ANKS1B: variants seen among roughly 807,000 people sequenced by gnomAD.
The protein encoded by ANKS1B is ankyrin repeat and sterile alpha motif domain-containing protein 1B.
A neutral mutation model predicts 148.3 loss-of-function variants in ANKS1B; 36 were observed. The observed-to-expected ratio is 0.24, with a 90% CI of 0.19 to 0.32. The LOEUF (loss-of-function observed/expected upper bound fraction) is 0.32. Ranked by LOEUF, ANKS1B falls within the 10% of genes least tolerant of loss-of-function variation. The pLI is 1.00. For synonymous variants in ANKS1B, 542 were observed against 560.8 expected (o/e 0.97, Z 0.47); for missense variants, 1,157 against 1,542.6 (o/e 0.75, Z 4.19).
intron 12 of ANKS1B, among the ~76,000 whole-genome samples, chr12:99,270,032 A>G (rs2076873680): frequency 6.6e-6 from 1 of 152,194 alleles, no homozygotes; most frequent in African/African-American, 2.4e-5. Context: ...GATAGCAACA[A>G]TATTAAAAAA....
intron 17 of ANKS1B, among the ~76,000 whole-genome samples, chr12:98,922,713 G>C (rs2099803081): frequency 6.6e-6 from 1 of 152,064 alleles, no homozygotes; most frequent in Admixed American, 6.6e-5. Context: ...TGGCCAGGCT[G>C]GTCTTGAACT....
intron 12 of ANKS1B, among the ~76,000 whole-genome samples, chr12:99,374,098 ATG>A (rs1340919146): frequency 6.6e-6 from 1 of 152,190 alleles, no homozygotes; most frequent in Non-Finnish European, 1.5e-5. Flanking sequence ...AATCCAAAGA[ATG>A]TGCTGATTGA....
intron 12 of ANKS1B, among the ~76,000 whole-genome samples, chr12:99,305,065 G>A (rs1033829292): frequency 3.9e-5 from 6 of 152,026 alleles, no homozygotes; most frequent in East Asian, 1.9e-4. Flanking sequence ...GGCCAAGGGC[G>A]GTGGGGGGCA....
At chr12:99,179,093 T>C (rs945483235) in intron 14 of ANKS1B, among the ~76,000 whole-genome samples, 1 of 152,114 alleles carries the variant, frequency 6.6e-6, no homozygotes, top group Non-Finnish European at 1.5e-5. Context: ...ATATTATGGA[T>C]TGACTAAGTG....
At chr12:98,899,604 G>T (rs56722173) in intron 17 of ANKS1B, among the ~76,000 whole-genome samples, 1 of 152,148 alleles carries the variant, frequency 6.6e-6, no homozygotes, top group Non-Finnish European at 1.5e-5. Context: ...TCATCCACAA[G>T]AGTTTTCACC....
At chr12:99,179,585 A>T (rs888125842) in intron 14 of ANKS1B, among the ~76,000 whole-genome samples, 1 of 152,148 alleles carries the variant, frequency 6.6e-6, no homozygotes, top group African/African-American at 2.4e-5. Flanking sequence ...ATTTTGTAAA[A>T]GATGATGGTT....
intron 17 of ANKS1B, among the ~76,000 whole-genome samples, chr12:99,011,983 T>C (rs1349960159): frequency 6.6e-6 from 1 of 152,126 alleles, no homozygotes; most frequent in Non-Finnish European, 1.5e-5. Context: ...GTATCACTGA[T>C]GTGGATGGAT....
At chr12:99,954,402 T>C (rs2153825743) in intron 1 of ANKS1B, among the ~76,000 whole-genome samples, 1 of 152,312 alleles carries the variant, frequency 6.6e-6, no homozygotes, top group Admixed American at 6.5e-5. Flanking sequence ...CCAATCTCCT[T>C]TGTCCAAACA....
At chr12:99,168,291 T>G (rs796867089) in intron 14 of ANKS1B, among the ~76,000 whole-genome samples, 2 of 151,690 alleles carry the variant, frequency 1.3e-5, no homozygotes, top group East Asian at 1.9e-4. Flanking sequence ...CTGAGGCGGG[T>G]GGATCGCCTG....
At chr12:99,266,344 A>G (rs978981089) in intron 12 of ANKS1B, among the ~76,000 whole-genome samples, 1 of 152,188 alleles carries the variant, frequency 6.6e-6, no homozygotes, top group African/African-American at 2.4e-5. Flanking sequence ...GATGGCTAAC[A>G]TTTATTGGAT....
chr12:99,184,288 T>C (rs558628155), intron 14 of ANKS1B, among the ~76,000 whole-genome samples: 7 of 152,308 alleles, frequency 4.6e-5, no homozygotes, highest in African/African-American at 9.6e-5. Flanking sequence ...TATTGAGCCA[T>C]AGACTATTAA....
intron 9 of ANKS1B, among the ~76,000 whole-genome samples, chr12:99,507,638 T>G (rs2096724491): frequency 6.6e-6 from 1 of 151,950 alleles, no homozygotes; most frequent in East Asian, 1.9e-4. Flanking sequence ...AATTTCTTCT[T>G]AGAATGTAAG....
chr12:99,548,347 C>T (rs2097189188), intron 9 of ANKS1B, among the ~76,000 whole-genome samples: 1 of 150,160 alleles, frequency 6.7e-6, no homozygotes, highest in Non-Finnish European at 1.5e-5. Flanking sequence ...TTTCCCTTTT[C>T]CTGTTAACTG....
intron 1 of ANKS1B, among the ~76,000 whole-genome samples, chr12:99,840,321 A>C (rs1391182929): frequency 1.3e-5 from 2 of 152,094 alleles, no homozygotes; most frequent in African/African-American, 2.4e-5. Flanking sequence ...GAGCACAGAA[A>C]AGTGGGTCAG....
At chr12:99,621,389 C>G (rs1422565338) in intron 9 of ANKS1B, among the ~76,000 whole-genome samples, 1 of 151,334 alleles carries the variant, frequency 6.6e-6, no homozygotes, top group Non-Finnish European at 1.5e-5. Flanking sequence ...ATCCAAACCT[C>G]ACATACCAAT....
intron 22 of ANKS1B, among the ~76,000 whole-genome samples, chr12:98,786,238 A>C (rs1330013040): frequency 6.6e-6 from 1 of 152,196 alleles, no homozygotes; most frequent in Non-Finnish European, 1.5e-5. Context: ...TTATATAGAG[A>C]TGTTACGTTT....
At chr12:99,301,069 G>A (rs1031840260) in intron 12 of ANKS1B, among the ~76,000 whole-genome samples, 2 of 152,160 alleles carry the variant, frequency 1.3e-5, no homozygotes, top group African/African-American at 4.8e-5. Context: ...AAGTCCGAGA[G>A]TCCAAAGGCC....
chr12:99,018,928 G>GT (rs969138727), intron 17 of ANKS1B, among the ~76,000 whole-genome samples: 1 of 152,204 alleles, frequency 6.6e-6, no homozygotes, highest in African/African-American at 2.4e-5. Context: ...GGGTAACAGA[G>GT]TGAGACTCCA....
At chr12:99,387,684 A>G (rs2093923322) in intron 12 of ANKS1B, among the ~76,000 whole-genome samples, 1 of 152,034 alleles carries the variant, frequency 6.6e-6, no homozygotes, top group Non-Finnish European at 1.5e-5. Flanking sequence ...TGCTCCGTCT[A>G]TGAACCAGAA....
Sources: gnomAD v4.1 joint callset for allele counts (sites outside exome capture counted in the v4.1 genomes callset) on GRCh38, gnomAD v4.1.1 for gene constraint, MANE v1.5 for transcripts, NCBI Gene and HGNC (gene_info 2026-07-23, HGNC 2026-07-21) for gene names.